DNAH8: variants seen among roughly 807,000 people sequenced by gnomAD.
DNAH8 encodes the protein dynein axonemal heavy chain 8.
DNAH8 carries 382 observed loss-of-function variants against 562.1 expected under a neutral mutation model. The ratio of observed to expected loss-of-function variants is 0.68; its 90% CI spans 0.63 to 0.74. The LOEUF is 0.74. Among genes scored for constraint, DNAH8 ranks in the 30% least tolerant of loss-of-function variants. DNAH8 has a pLI of 0.00. For synonymous variants in DNAH8, 1,881 were observed against 1,919.4 expected, an observed-to-expected ratio of 0.98 and a Z score of 0.52; for missense variants, 5,203 against 5,620.4, an observed-to-expected ratio of 0.93 and a Z score of 2.37.
chr6:38,850,909 C>G (rs548910010), intron 38 of DNAH8, among the ~76,000 whole-genome samples: 207 of 152,278 alleles, frequency 1.4e-3, no homozygotes, highest in Middle Eastern at 0.01. Context: ...CTTAACTTCA[C>G]TCCCTCTGCA....
In DNAH8 at chr6:38,823,672, A is replaced by G; in HGVS notation, c.3831A>G (p.Ala1277=). 1.3e-6 allele frequency: 2 copies of G among 1,598,516 alleles called. No homozygotes were observed. The change falls in exon 28 of 93, where the codon GCA becomes GCG. Residue 1277 remains alanine, a synonymous_variant. Coordinates refer to ENST00000327475, the MANE Select transcript of DNAH8 (RefSeq NM_001206927.2). The stretch of plus-strand genomic sequence containing the variant: ...TGAAGCCTATTATTGTTGTAGGAGC[A>G]CTTGAATTACATACAGGTATTTTAA... The part of the protein sequence containing the change: ...DELKPIIVVG[A]LELHTEPMKL...
At chr6:39,026,412 G>T in intron 91 of DNAH8, 134 bp from the exon 92 acceptor site, 2 of 836,344 alleles carry the variant, frequency 2.4e-6, no homozygotes, top group Non-Finnish European at 3.7e-6. Flanking sequence ...CTCCCCTGGG[G>T]TTTGGCCTCA....
intron 79 of DNAH8, among the ~76,000 whole-genome samples, chr6:38,942,044 C>G (rs1195962019): frequency 6.6e-6 from 1 of 152,072 alleles, no homozygotes; most frequent in Non-Finnish European, 1.5e-5. Flanking sequence ...GTCAGGACAC[C>G]ATGAAAGGAG....
chr6:38,916,229 G>A (rs1471149330), intron 68 of DNAH8, among the ~76,000 whole-genome samples: 1 of 152,146 alleles, frequency 6.6e-6, no homozygotes, highest in Non-Finnish European at 1.5e-5. Context: ...ACAGAAAAAT[G>A]TATAGGATTC....
Position 38,982,378 on chromosome 6 carries a change from T to C in DNAH8, c.12867T>C (p.Asn4289=), listed in dbSNP as rs1764092393. 3.1e-6 allele frequency: 5 copies of C among 1,611,362 alleles called. No individual in the cohort carries two copies. Among genetic ancestry groups the C allele is most frequent in the Non-Finnish European group, 3.4e-6 (4 of 1,177,622 alleles). The change falls in exon 86 of 93, where the codon AAT becomes AAC. Residue 4289 remains asparagine (N), a synonymous_variant. Transcript: ENST00000327475. ...ERRKFGPLGW[N]IPYEFNSADF... ...GAAAATTTGGCCCCTTAGGATGGAA[T>C]ATTCCCTACGAATTCAATTCTGCTG...
At chr6:38,827,248 A>G (rs1773412555) in intron 29 of DNAH8, among the ~76,000 whole-genome samples, 1 of 152,154 alleles carries the variant, frequency 6.6e-6, no homozygotes, top group Non-Finnish European at 1.5e-5. Context: ...TAATCTCCCC[A>G]TGGCAAGCTC....
chr6:38,774,418 G>C lies in DNAH8; in HGVS notation c.1765-1336G>C, dbSNP rs1367224283. Among the ~76,000 whole-genome samples, 366 of 152,256 alleles carry C rather than the reference G, an allele frequency of 2.4e-3. 4 individuals are homozygous for C. Among genetic ancestry groups the C allele is most frequent in the East Asian group, 0.024 (123 of 5,180 alleles). Reference sequence around the variant, plus strand: ...GGTGAGTACTGAGAGATTGAACATTGATAGAGAGATGTTGAAAAAGCCAGG... The same window carrying C: ...GGTGAGTACTGAGAGATTGAACATTCATAGAGAGATGTTGAAAAAGCCAGG... On this transcript the variant is annotated intron_variant, in intron 12 of 92. Coordinates refer to ENST00000327475, the MANE Select transcript of DNAH8 (RefSeq NM_001206927.2).
rs1777590588 is a variant in DNAH8, at chr6:38,873,041, T to C, written c.7373T>C (p.Leu2458Pro). The C allele has an allele frequency of 1.9e-6, 3 of 1,614,158 alleles. No homozygotes were observed. Among genetic ancestry groups the C allele is most frequent in the African/African-American group, 1.3e-5 (1 of 75,054 alleles). ...ATTCCCATGGCCCCTAGTTGTAAGC[T>C]TCTGTTTGAAGTCCACAATATCGAG... ...DRIPMAPSCK[L>P]LFEVHNIENA... Residue 2458 changes from leucine to proline, a missense_variant, in exon 51 of 93, where the codon CTT becomes CCT. Physicochemically the swap from Leu to Pro is moderately conservative, Grantham distance 98. Transcript: ENST00000327475.
At chr6:38,789,673 A>G (rs1238895493) in intron 18 of DNAH8, 130 bp from the exon 19 acceptor site, 2 of 617,696 alleles carry the variant, frequency 3.2e-6, no homozygotes, top group East Asian at 5.7e-5. Context: ...GCATAAGTTT[A>G]AATGGGCAGC....
chr6:38,790,463 TTTGA>T lies in DNAH8; in HGVS notation c.2781+61_2781+64del, dbSNP rs558097937. ...TATATACTCAGGATATAAGTAATAG[TTTGA>T]TTATTATGAAAGCTCTTTAAAGGGT... On this transcript the variant is annotated intron_variant, in intron 20 of 92. Coordinates refer to ENST00000327475, the MANE Select transcript of DNAH8 (RefSeq NM_001206927.2). 153 of 815,986 alleles carry T rather than the reference TTTGA, an allele frequency of 1.9e-4. 1 individual carries two copies. The East Asian group carries it at 4.0e-3, about 21-fold the overall frequency. 50.5% of individuals were successfully genotyped at this position (815,986 alleles called of 1,614,324 possible). A position where few individuals can be genotyped will look rare whatever the true frequency, so the allele number is the denominator to read the frequency against.
At chr6:38,921,862 G>A (rs529434500) in intron 71 of DNAH8, among the ~76,000 whole-genome samples, 1 of 152,214 alleles carries the variant, frequency 6.6e-6, no homozygotes, top group African/African-American at 2.4e-5. Flanking sequence ...AAGAGTCAGC[G>A]AAGGGAGACA....
intron 21 of DNAH8, among the ~76,000 whole-genome samples, chr6:38,802,351 C>T (rs1325442273): frequency 6.6e-6 from 1 of 152,110 alleles, no homozygotes; most frequent in Non-Finnish European, 1.5e-5. Flanking sequence ...ATGAGCAATC[C>T]TCTTGCTTCA....
chr6:38,918,973 TAGAA>T (rs1301628061), intron 70 of DNAH8, among the ~76,000 whole-genome samples: 1 of 151,286 alleles, frequency 6.6e-6, no homozygotes, highest in African/African-American at 2.4e-5. Flanking sequence ...TTGAGAAAAA[TAGAA>T]AGTCAATTTA....
intron 21 of DNAH8, among the ~76,000 whole-genome samples, chr6:38,798,009 C>T (rs968675910): frequency 5.3e-5 from 8 of 150,830 alleles, no homozygotes; most frequent in African/African-American, 1.5e-4. Flanking sequence ...ACCTGGGAGG[C>T]GGAGGTTGCA....
intron 92 of DNAH8, among the ~76,000 whole-genome samples, chr6:39,029,498 C>T (rs1767525830): frequency 6.6e-6 from 1 of 152,198 alleles, no homozygotes; most frequent in South Asian, 2.1e-4. Flanking sequence ...TCTTATCTCC[C>T]TGATTTAATG....
At chr6:38,838,275 C>T (rs779037952) in intron 33 of DNAH8, among the ~76,000 whole-genome samples, 20 of 152,130 alleles carry the variant, frequency 1.3e-4, no homozygotes, top group Non-Finnish European at 2.5e-4. Flanking sequence ...CATGCATGGT[C>T]TATATTTAGC....
chr6:38,762,045 G>T lies in DNAH8; in HGVS notation c.1617+242G>T, dbSNP rs78214280. ...TAGACTCCTGTGTGCCATTTCATAC[G>T]CTCTGGCCCCTACATCTCATTCCAG... is the stretch of plus-strand genomic sequence containing the variant. On this transcript the variant is annotated intron_variant, in intron 11 of 92. Transcript: ENST00000327475. 9.5e-4 allele frequency among the ~76,000 whole-genome samples: 145 copies of T among 152,062 alleles called. 1 individual carries two copies. The East Asian group carries it at 0.013, about 14-fold the overall frequency.
chr6:38,983,005 T>C (rs1486176485), intron 86 of DNAH8, among the ~76,000 whole-genome samples: 1 of 152,212 alleles, frequency 6.6e-6, no homozygotes, highest in Non-Finnish European at 1.5e-5. Flanking sequence ...ATTTATTTAT[T>C]TATTACCCAT....
chr6:38,893,166 T>C (rs1385332554), intron 58 of DNAH8, among the ~76,000 whole-genome samples: 1 of 152,192 alleles, frequency 6.6e-6, no homozygotes, highest in African/African-American at 2.4e-5. Flanking sequence ...TGCTCAGTCA[T>C]TGAAAAATGA....
Sources: allele counts gnomAD v4.1 joint callset (sites outside exome capture counted in the v4.1 genomes callset), GRCh38; gene constraint gnomAD v4.1.1; transcripts MANE v1.5; gene names NCBI Gene and HGNC (gene_info 2026-07-23, HGNC 2026-07-21).